The following ATP2B2 variants were observed in gnomAD, a reference collection of about 807,000 sequenced individuals.
The protein encoded by ATP2B2 is ATPase plasma membrane Ca2+ transporting 2.
In ATP2B2, 15 loss-of-function variants were observed where a neutral mutation model predicts 120.0. The observed-to-expected ratio is 0.12, with a 90% CI of 0.08 to 0.19. ATP2B2 has a LOEUF of 0.19. Ranked by LOEUF, ATP2B2 falls within the 10% of genes least tolerant of loss-of-function variation. The pLI is 1.00. For synonymous variants in ATP2B2, 694 were observed against 700.3 expected (o/e 0.99, Z 0.14); for missense variants, 1,045 against 1,719.8 (o/e 0.61, Z 6.94).
At position 10,581,522 on chromosome 3, in the gene ATP2B2, T is replaced by C. The variant is rs372551003; in HGVS notation, c.-415+38395A>G. Among the ~76,000 whole-genome samples the C allele has an allele frequency of 5.3e-5, 8 of 152,052 alleles. No individual in the cohort carries two copies. In the East Asian group the frequency reaches 5.8e-4, roughly 11 times the overall value. ...AGGAACTGCAGAAAGACTCCAAAAATGATGTTTGTGGGCGATTCATCCACA... is the reference window on the plus strand; with the variant it reads ...AGGAACTGCAGAAAGACTCCAAAAACGATGTTTGTGGGCGATTCATCCACA... On this transcript the variant is annotated intron_variant, in intron 2 of 21. Coordinates refer to the ATP2B2 transcript ENST00000646379.
chr3:10,627,373 T>A (rs1257302481), intron 1 of ATP2B2, among the ~76,000 whole-genome samples: 3 of 152,222 alleles, frequency 2.0e-5, no homozygotes, highest in Non-Finnish European at 4.4e-5. Context: ...AAGGCCTCAG[T>A]ACCCTAAGGG....
intron 2 of ATP2B2, among the ~76,000 whole-genome samples, chr3:10,592,300 A>G (rs2068662997): frequency 6.6e-6 from 1 of 152,254 alleles, no homozygotes; most frequent in Non-Finnish European, 1.5e-5. Flanking sequence ...AGATTTGACA[A>G]GATTTTTTCA....
At chr3:10,546,611 C>T (rs1248340027) in intron 2 of ATP2B2, among the ~76,000 whole-genome samples, 3 of 152,218 alleles carry the variant, frequency 2.0e-5, no homozygotes, top group Non-Finnish European at 4.4e-5. Flanking sequence ...GAACTCCTCC[C>T]TTCTGAGGTC....
At chr3:10,708,073 TC>T (rs1305746874), upstream of ATP2B2, 1 of 11,820 alleles carries the variant, frequency 8.5e-5, no homozygotes, top group Non-Finnish European at 1.7e-4. Flanking sequence ...CCCGCCCGCC[TC>T]CCTCCCTCCG....
At chr3:10,359,839 C>G (rs1377985314) in intron 13 of ATP2B2, 43 bp downstream of exon 13, 1 of 1,613,202 alleles carries the variant, frequency 6.2e-7, no homozygotes, top group East Asian at 2.2e-5. Context: ...GCTCCCTGCA[C>G]CAGGGCACAG....
intron 1 of ATP2B2, among the ~76,000 whole-genome samples, chr3:10,471,712 TTGTG>T (rs1187515209): frequency 4.6e-5 from 7 of 152,150 alleles, no homozygotes; most frequent in Admixed American, 2.0e-4. Context: ...TCATGCCACA[TTGTG>T]TGTGTCTGTA....
intron 22 of ATP2B2, chr3:10,332,201 C>A (rs146936610): frequency 1.5e-6 from 1 of 670,600 alleles, no homozygotes; most frequent in Admixed American, 2.2e-5. Flanking sequence ...ATTTCTCCCC[C>A]TAACAGTGCA....
chr3:10,605,773 T>A (rs1444294747), intron 2 of ATP2B2, among the ~76,000 whole-genome samples: 1 of 151,850 alleles, frequency 6.6e-6, no homozygotes, highest in Non-Finnish European at 1.5e-5. Context: ...CTCAGCCTCC[T>A]GAGTAGCTGG....
intron 1 of ATP2B2, among the ~76,000 whole-genome samples, chr3:10,688,390 C>G (rs80289925): frequency 6.6e-6 from 1 of 152,206 alleles, no homozygotes; most frequent in South Asian, 2.1e-4. Context: ...TTGTCATCAA[C>G]TGCACATTGA....
intron 2 of ATP2B2, among the ~76,000 whole-genome samples, chr3:10,442,279 A>G (rs1000901011): frequency 6.6e-6 from 1 of 152,108 alleles, no homozygotes; most frequent in Non-Finnish European, 1.5e-5. Flanking sequence ...GATTACGGGA[A>G]GCACCTAGTG....
intron 2 of ATP2B2, among the ~76,000 whole-genome samples, chr3:10,417,039 C>T (rs1350824812): frequency 7.4e-6 from 1 of 135,512 alleles, no homozygotes; most frequent in Non-Finnish European, 1.5e-5. Flanking sequence ...GGCAGCCAGG[C>T]AGAGGTGCTC....
At chr3:10,603,326 G>A (rs1164599649) in intron 2 of ATP2B2, among the ~76,000 whole-genome samples, 2 of 152,214 alleles carry the variant, frequency 1.3e-5, no homozygotes, top group Admixed American at 6.5e-5. Flanking sequence ...TAATAGAATC[G>A]TTTCTTTTCA....
intron 1 of ATP2B2, among the ~76,000 whole-genome samples, chr3:10,624,238 C>T (rs1193613385): frequency 1.3e-5 from 2 of 152,208 alleles, no homozygotes; most frequent in Non-Finnish European, 2.9e-5. Context: ...TCAAAGATCT[C>T]TCAGGTACCT....
Position 10,358,145 on chromosome 3 carries a change from C to T in ATP2B2, c.2136+546G>A, listed in dbSNP as rs537795415. On this transcript the variant is annotated intron_variant, in intron 14 of 22. Coordinates refer to ENST00000360273, the MANE Select transcript of ATP2B2 (RefSeq NM_001001331.4). ...CCCCTGGGAATCTGATAAAAGTAGA[C>T]TCTCAGCTGTGTTCCTAGGCCAGCT... Among the ~76,000 whole-genome samples, 180 of 152,338 alleles carry T rather than the reference C, an allele frequency of 1.2e-3. 1 individual carries two copies. The highest frequency in any genetic ancestry group is 4.2e-3 in the African/African-American group (173 of 41,580).
At chr3:10,637,900 G>GA (rs949684070) in intron 1 of ATP2B2, among the ~76,000 whole-genome samples, 39 of 144,912 alleles carry the variant, frequency 2.7e-4, no homozygotes, top group South Asian at 8.7e-4. Flanking sequence ...GAAGCAGCCA[G>GA]AAAAAAAAAA....
At chr3:10,609,047 C>A (rs2069158205) in intron 2 of ATP2B2, among the ~76,000 whole-genome samples, 1 of 152,236 alleles carries the variant, frequency 6.6e-6, no homozygotes, top group Non-Finnish European at 1.5e-5. Context: ...AGAGCCAAGT[C>A]CTGCCGCTGC....
chr3:10,336,005 C>T (rs2060106111), intron 22 of ATP2B2: 1 of 1,194,470 alleles, frequency 8.4e-7, no homozygotes, highest in East Asian at 2.6e-5. Context: ...GTGGCTGGGA[C>T]CCTTCATCCC....
intron 3 of ATP2B2, among the ~76,000 whole-genome samples, chr3:10,529,678 C>G (rs1177502744): frequency 6.6e-6 from 1 of 152,126 alleles, no homozygotes; most frequent in Non-Finnish European, 1.5e-5. Context: ...TATGTCCTCC[C>G]AAAAAGATAG....
intron 1 of ATP2B2, among the ~76,000 whole-genome samples, chr3:10,639,408 AT>A (rs1046460941): frequency 5.9e-5 from 9 of 152,348 alleles, no homozygotes; most frequent in African/African-American, 2.2e-4. Flanking sequence ...GTGCCAGCAG[AT>A]TTGGAGTCTG....
Sources: allele counts gnomAD v4.1 joint callset (sites outside exome capture counted in the v4.1 genomes callset), GRCh38; gene constraint gnomAD v4.1.1; transcripts MANE v1.5; gene names NCBI Gene and HGNC (gene_info 2026-07-23, HGNC 2026-07-21).